The following RPH3AL variants were observed in gnomAD, a reference collection of about 807,000 sequenced individuals.
The protein encoded by RPH3AL is rabphilin 3A like (without C2 domains).
A neutral mutation model predicts 43.1 loss-of-function variants in RPH3AL; 38 were observed. That is an observed-to-expected ratio of 0.88 (90% CI 0.68 to 1.15). The LOEUF (loss-of-function observed/expected upper bound fraction) is 1.15, where lower values mean the gene tolerates loss of function less well. RPH3AL is among the 50% of genes most tolerant of loss of function. The probability of loss-of-function intolerance (pLI) is 0.00; values close to 1 mark genes in which losing one functional copy is unlikely to be tolerated. For synonymous variants in RPH3AL, 189 were observed against 176.3 expected, an observed-to-expected ratio of 1.07 and a Z score of -0.57; for missense variants, 462 against 423.2, an observed-to-expected ratio of 1.09 and a Z score of -0.81.
At chr17:236,866 A>G (rs2041408265) in intron 7 of RPH3AL, among the ~76,000 whole-genome samples, 1 of 152,252 alleles carries the variant, frequency 6.6e-6, no homozygotes, top group South Asian at 2.1e-4. Context: ...CGGGCGGGGC[A>G]TGCGCTGGGT....
Position 225,476 on chromosome 17 carries a change from T to C in RPH3AL, c.614-5740A>G, listed in dbSNP as rs1215420104. Among the ~76,000 whole-genome samples, 1 of 151,906 alleles carries C rather than the reference T, an allele frequency of 6.6e-6. No homozygotes were observed. The highest frequency in any genetic ancestry group is 1.5e-5 in the Non-Finnish European group (1 of 67,962). ...TGAGATGCCAACCTCATGGGTCCCA[T>C]GAAAAAGGGATAGGAGGAGGTGGGA... On this transcript the variant is annotated intron_variant, in intron 7 of 9. Coordinates refer to ENST00000331302, the MANE Select transcript of RPH3AL (RefSeq NM_006987.4). This position sits in a 1 kb window ranked among gnomAD's most constrained non-coding sequence, Gnocchi z 4.4.
intron 5 of RPH3AL, among the ~76,000 whole-genome samples, chr17:299,802 G>A (rs118130220): frequency 0.014 from 2,165 of 152,360 alleles, 29 homozygotes; most frequent in Middle Eastern, 0.031. Flanking sequence ...GCTTGGCAAC[G>A]GCCGCTGAGT....
intron 5 of RPH3AL, among the ~76,000 whole-genome samples, chr17:284,844 G>A (rs1260206315): frequency 6.6e-6 from 1 of 152,198 alleles, no homozygotes; most frequent in East Asian, 1.9e-4. Context: ...CCCCGGTCGG[G>A]GTGCCCACAC....
intron 5 of RPH3AL, among the ~76,000 whole-genome samples, chr17:298,439 G>A (rs533073041): frequency 6.6e-6 from 1 of 152,248 alleles, no homozygotes; most frequent in Non-Finnish European, 1.5e-5. Context: ...GCTCACCCCT[G>A]TAATCCTGGC....
At chr17:269,158 G>A (rs544678768) in intron 6 of RPH3AL, among the ~76,000 whole-genome samples, 3 of 152,226 alleles carry the variant, frequency 2.0e-5, no homozygotes, top group Admixed American at 1.3e-4. Context: ...GATCACAGGC[G>A]TGAGCCACCG....
intron 8 of RPH3AL, 98 bp downstream of exon 8, chr17:219,525 C>CATTTT: frequency 3.3e-5 from 5 of 149,674 alleles, no homozygotes; most frequent in South Asian, 5.6e-5. Flanking sequence ...TCTTTTTCTT[C>CATTTT]CTTTTTTTTT....
intron 6 of RPH3AL, among the ~76,000 whole-genome samples, chr17:252,732 C>G (rs373580332): frequency 2.6e-5 from 4 of 152,286 alleles, no homozygotes; most frequent in African/African-American, 9.6e-5. Context: ...TGATTTTGCC[C>G]TTTTCCAAAA....
Position 333,462 on chromosome 17 carries a change from T to A in RPH3AL, c.-37+297A>T. Reference sequence around the variant, plus strand: ...TTACTGCATACGCTGCTTGCTGGTTTCTAAATAAAATTGGGTTCTTACTAT... The same window carrying A: ...TTACTGCATACGCTGCTTGCTGGTTACTAAATAAAATTGGGTTCTTACTAT... On this transcript the variant is annotated intron_variant, in intron 2 of 9. Coordinates refer to ENST00000331302, the MANE Select transcript of RPH3AL (RefSeq NM_006987.4). This position sits in a 1 kb window ranked among gnomAD's most constrained non-coding sequence, Gnocchi z 4.5. The A allele has an allele frequency of 2.3e-6, 1 of 438,672 alleles. No homozygotes were observed. The highest frequency in any genetic ancestry group is 3.9e-6 in the Non-Finnish European group (1 of 256,736). 27.2% of individuals were successfully genotyped at this position (438,672 alleles called of 1,614,324 possible).
chr17:226,659 C>T (rs572717137), intron 7 of RPH3AL, among the ~76,000 whole-genome samples: 1 of 152,306 alleles, frequency 6.6e-6, no homozygotes, highest in Non-Finnish European at 1.5e-5. Context: ...CTGGCTTCCT[C>T]GGGCTGCAAA....
chr17:243,472 C>T (rs376141647), intron 7 of RPH3AL, among the ~76,000 whole-genome samples: 22 of 122,262 alleles, frequency 1.8e-4, no homozygotes, highest in African/African-American at 4.5e-4. Flanking sequence ...CCTCTATTGA[C>T]TACCTTCCTC....
chr17:277,914 C>CA (rs944197216), intron 6 of RPH3AL, among the ~76,000 whole-genome samples: 1 of 152,006 alleles, frequency 6.6e-6, no homozygotes, highest in African/African-American at 2.4e-5. Flanking sequence ...GAGATCGTGG[C>CA]ACTGCCCTAC....
chr17:319,037 C>T (rs935057278), intron 5 of RPH3AL, among the ~76,000 whole-genome samples: 1 of 152,194 alleles, frequency 6.6e-6, no homozygotes, highest in African/African-American at 2.4e-5. Context: ...ATATTTAATC[C>T]TCATAGCATG....
chr17:307,267 ACGGCAGGTCCATCCCG>A (rs1769834260), intron 5 of RPH3AL, among the ~76,000 whole-genome samples: 7 of 84,292 alleles, frequency 8.3e-5, no homozygotes, highest in African/African-American at 3.4e-4. Flanking sequence ...GGTCCATCCC[ACGGCAGGTCCATCCCG>A]CGGCAGGTCC....
At chr17:350,948 A>G (rs1475682898) in intron 1 of RPH3AL, among the ~76,000 whole-genome samples, 1 of 152,160 alleles carries the variant, frequency 6.6e-6, no homozygotes, top group Non-Finnish European at 1.5e-5. Context: ...AGAACATTCC[A>G]TGATAGGCCA....
At chr17:251,455 C>T (rs1323109324) in intron 6 of RPH3AL, among the ~76,000 whole-genome samples, 1 of 152,222 alleles carries the variant, frequency 6.6e-6, no homozygotes, top group Non-Finnish European at 1.5e-5. Context: ...AAAGCCAGCA[C>T]ACCCCTCTGT....
intron 8 of RPH3AL, among the ~76,000 whole-genome samples, chr17:217,316 T>C: frequency 8.8e-6 from 1 of 113,994 alleles, no homozygotes; most frequent in Middle Eastern, 5.2e-3. Context: ...TTCATTCCCA[T>C]CTGGGGCAGT....
chr17:266,065 C>T (rs2042312355), intron 6 of RPH3AL, among the ~76,000 whole-genome samples: 1 of 152,252 alleles, frequency 6.6e-6, no homozygotes, highest in Non-Finnish European at 1.5e-5. Context: ...CTCTCCCCAC[C>T]CAGGCATCCA....
intron 6 of RPH3AL, among the ~76,000 whole-genome samples, chr17:271,356 TTA>T (rs1301443240): frequency 1.3e-5 from 2 of 152,224 alleles, no homozygotes; most frequent in Admixed American, 6.5e-5. Context: ...AATCTACAAA[TTA>T]CCTTGGGCAG....
At chr17:251,409 G>A (rs1486158783) in intron 6 of RPH3AL, among the ~76,000 whole-genome samples, 1 of 152,188 alleles carries the variant, frequency 6.6e-6, no homozygotes, top group African/African-American at 2.4e-5. Flanking sequence ...TTTCAGGTGG[G>A]GAAACTGAGG....
Sources: allele counts gnomAD v4.1 joint callset (sites outside exome capture counted in the v4.1 genomes callset), GRCh38; gene constraint gnomAD v4.1.1; non-coding constraint Gnocchi (gnomAD v3.1); transcripts MANE v1.5; gene names NCBI Gene and HGNC (gene_info 2026-07-23, HGNC 2026-07-21).